The following BBX variants were observed in gnomAD, a reference collection of about 807,000 sequenced individuals.
BBX encodes the protein HMG box transcription factor BBX.
BBX carries 30 observed loss-of-function variants against 100.2 expected under a neutral mutation model. The observed-to-expected ratio is 0.30, with a 90% CI of 0.22 to 0.41. BBX has a LOEUF of 0.41. BBX is among the 10% of genes least tolerant of loss of function. The pLI is 1.00. For synonymous variants in BBX, 376 were observed against 388.1 expected, an observed-to-expected ratio of 0.97 and a Z score of 0.37; for missense variants, 1,023 against 1,129.8, an observed-to-expected ratio of 0.91 and a Z score of 1.35.
At chr3:107,547,812 T>C (rs898610892) in intron 2 of BBX, among the ~76,000 whole-genome samples, 1 of 152,072 alleles carries the variant, frequency 6.6e-6, no homozygotes, top group African/African-American at 2.4e-5. Context: ...TTATTCTTCA[T>C]TTCTCTGTTA....
At chr3:107,531,612 T>A (rs1286696455) in intron 2 of BBX, among the ~76,000 whole-genome samples, 1 of 152,110 alleles carries the variant, frequency 6.6e-6, no homozygotes, top group Non-Finnish European at 1.5e-5. Context: ...CACCTCTAGT[T>A]ATCATGAAAC....
intron 4 of BBX, among the ~76,000 whole-genome samples, chr3:107,711,577 C>A (rs2061727548): frequency 6.6e-6 from 1 of 152,148 alleles, no homozygotes; most frequent in South Asian, 2.1e-4. Flanking sequence ...ATGACCTTTT[C>A]TCCTTTTTCA....
chr3:107,590,208 A>T (rs915254728), intron 2 of BBX, among the ~76,000 whole-genome samples: 109 of 152,292 alleles, frequency 7.2e-4, no homozygotes, highest in African/African-American at 2.3e-3. Flanking sequence ...TGCATTTATT[A>T]ACATGGTTAA....
At chr3:107,784,096 G>A (rs1237265175) in intron 13 of BBX, among the ~76,000 whole-genome samples, 2 of 151,958 alleles carry the variant, frequency 1.3e-5, no homozygotes, top group African/African-American at 4.8e-5. Flanking sequence ...CACCATTGTA[G>A]GCATTTAGAT....
chr3:107,737,310 G>C lies in BBX; in HGVS notation c.669+4287G>C, dbSNP rs865783034. On this transcript the variant is annotated intron_variant, in intron 7 of 17. Coordinates refer to ENST00000325805, the MANE Select transcript of BBX (RefSeq NM_001142568.3). ...CAACATGCATACATACACACAGAGA[G>C]AGAGAGAGAGAGAGAGAGAGAGTTC... 3.0e-3 allele frequency among the ~76,000 whole-genome samples: 436 copies of C among 145,698 alleles called. 3 individuals carry two copies. Among genetic ancestry groups the C allele is most frequent in the African/African-American group, 9.4e-3 (381 of 40,646 alleles).
At position 107,774,702 on chromosome 3, in the gene BBX, C is replaced by T. The variant is rs72943032; in HGVS notation, c.1916-17C>T. ...CACCTGTATACCAAACACATCCTTT[C>T]TCTTGAATTTTCTTAGGAAAACGAA... is the stretch of plus-strand genomic sequence containing the variant. On this transcript the variant is annotated splice_polypyrimidine_tract_variant and intron_variant, in intron 11 of 17. Coordinates refer to ENST00000325805, the MANE Select transcript of BBX (RefSeq NM_001142568.3). 8.4e-3 allele frequency: 13,521 copies of T among 1,611,400 alleles called. 854 individuals are homozygous for T. The African/African-American group carries it at 0.15, about 18-fold the overall frequency.
intron 12 of BBX, among the ~76,000 whole-genome samples, chr3:107,777,242 A>G (rs974118464): frequency 2.0e-5 from 3 of 152,126 alleles, no homozygotes; most frequent in African/African-American, 7.2e-5. Context: ...TCAGGCATCT[A>G]CTGGGGGACT....
intron 7 of BBX, among the ~76,000 whole-genome samples, chr3:107,735,909 C>G (rs1230818982): frequency 6.6e-6 from 1 of 151,624 alleles, no homozygotes; most frequent in African/African-American, 2.4e-5. Context: ...TAGCGTGGTT[C>G]TATAGTCTCA....
chr3:107,706,014 G>A (rs1436294490), intron 3 of BBX, among the ~76,000 whole-genome samples: 13 of 144,330 alleles, frequency 9.0e-5, no homozygotes, highest in Admixed American at 2.1e-4. Flanking sequence ...TCATGAATGA[G>A]CTTGCTACTT....
intron 2 of BBX, among the ~76,000 whole-genome samples, chr3:107,589,058 C>T (rs1169820743): frequency 2.0e-5 from 3 of 152,162 alleles, no homozygotes; most frequent in Non-Finnish European, 4.4e-5. Flanking sequence ...TAACCTGCCC[C>T]ATGAACCTTC....
intron 5 of BBX, among the ~76,000 whole-genome samples, chr3:107,725,822 G>T (rs1180555148): frequency 1.3e-5 from 2 of 152,026 alleles, no homozygotes; most frequent in African/African-American, 4.8e-5. Flanking sequence ...CATCTAATTG[G>T]TTGGAAATTT....
Position 107,564,232 on chromosome 3 carries a change from A to G in BBX, c.-84+37834A>G, listed in dbSNP as rs192145901. ...ACTATTGGGCTCTCCTTTCTTTTCT[A>G]CCTTTTCTTGATACTATTTTTGAAT... On this transcript the variant is annotated intron_variant, in intron 2 of 17. Coordinates refer to ENST00000325805, the MANE Select transcript of BBX (RefSeq NM_001142568.3). Among the ~76,000 whole-genome samples the G allele has an allele frequency of 2.6e-5, 4 of 151,740 alleles. No homozygotes were observed. In the East Asian group the frequency reaches 5.8e-4, roughly 22 times the overall value.
At chr3:107,526,010 GT>G (rs1310207812) in intron 1 of BBX, among the ~76,000 whole-genome samples, 3 of 152,220 alleles carry the variant, frequency 2.0e-5, no homozygotes, top group Non-Finnish European at 4.4e-5. Flanking sequence ...AATGATCGCG[GT>G]GTGGTTTTTG....
At chr3:107,745,933 T>C (rs2064555176) in intron 8 of BBX, among the ~76,000 whole-genome samples, 1 of 152,172 alleles carries the variant, frequency 6.6e-6, no homozygotes, top group Non-Finnish European at 1.5e-5. Context: ...TCTAACAGCA[T>C]ATCTAAGATC....
At chr3:107,749,895 A>G (rs749561554) in intron 9 of BBX, among the ~76,000 whole-genome samples, 1 of 152,080 alleles carries the variant, frequency 6.6e-6, no homozygotes, top group African/African-American at 2.4e-5. Flanking sequence ...CGGCCTTCCA[A>G]AATGCTGGGA....
At chr3:107,605,440 T>C (rs2054364491) in intron 2 of BBX, among the ~76,000 whole-genome samples, 1 of 152,008 alleles carries the variant, frequency 6.6e-6, no homozygotes, top group African/African-American at 2.4e-5. Context: ...AGCCCAGTCA[T>C]GGATTTGTTA....
chr3:107,562,383 T>A (rs1308331005), intron 2 of BBX, among the ~76,000 whole-genome samples: 1 of 152,146 alleles, frequency 6.6e-6, no homozygotes, highest in Non-Finnish European at 1.5e-5. Context: ...AGAATAATAG[T>A]TCTTTAGAGG....
chr3:107,681,749 A>C (rs1454808855), intron 3 of BBX, among the ~76,000 whole-genome samples: 1 of 152,094 alleles, frequency 6.6e-6, no homozygotes, highest in Non-Finnish European at 1.5e-5. Flanking sequence ...TTCCTGTAGA[A>C]ATTCTGGAGA....
At chr3:107,729,964 A>G (rs375823336) in intron 6 of BBX, among the ~76,000 whole-genome samples, 84 of 152,202 alleles carry the variant, frequency 5.5e-4, no homozygotes, top group African/African-American at 1.9e-3. Context: ...GCATGTGCCT[A>G]TAGTCCTGGC....
Sources: allele counts gnomAD v4.1 joint callset (sites outside exome capture counted in the v4.1 genomes callset), GRCh38; gene constraint gnomAD v4.1.1; transcripts MANE v1.5; gene names NCBI Gene and HGNC (gene_info 2026-07-23, HGNC 2026-07-21).